FAM184A: variants seen among roughly 807,000 people sequenced by gnomAD.
The protein encoded by FAM184A is family with sequence similarity 184 member A.
In FAM184A, 99 loss-of-function variants were observed where a neutral mutation model predicts 143.8. The ratio of observed to expected loss-of-function variants is 0.69; its 90% CI spans 0.58 to 0.81. The LOEUF is 0.81. Ranked by LOEUF, FAM184A falls within the 40% of genes least tolerant of loss-of-function variation. The pLI is 0.00. For synonymous variants in FAM184A, 427 were observed against 446.4 expected (o/e 0.96, Z 0.55); for missense variants, 1,217 against 1,310.5 (o/e 0.93, Z 1.10).
intron 1 of FAM184A, among the ~76,000 whole-genome samples, chr6:119,027,096 G>C (rs941887053): frequency 6.6e-6 from 1 of 151,790 alleles, no homozygotes; most frequent in South Asian, 2.1e-4. Context: ...CTTTAGTCAG[G>C]GCTTACCTCT....
chr6:119,063,057 A>C (rs1159376303), intron 1 of FAM184A, among the ~76,000 whole-genome samples: 1 of 151,880 alleles, frequency 6.6e-6, no homozygotes, highest in African/African-American at 2.4e-5. Context: ...AAACATCAAC[A>C]AAAAGGTGAA....
chr6:119,033,296 A>G (rs554142928), intron 1 of FAM184A, among the ~76,000 whole-genome samples: 15 of 152,062 alleles, frequency 9.9e-5, no homozygotes, highest in South Asian at 2.1e-4. Flanking sequence ...ATATTTTCTT[A>G]CCTATTTTAC....
At chr6:119,052,394 C>T (rs1786800025) in intron 1 of FAM184A, among the ~76,000 whole-genome samples, 2 of 152,158 alleles carry the variant, frequency 1.3e-5, no homozygotes, top group African/African-American at 4.8e-5. Flanking sequence ...TCTGCACTTA[C>T]CTCTATTTCC....
intron 1 of FAM184A, among the ~76,000 whole-genome samples, chr6:119,028,458 A>G (rs1785747734): frequency 6.6e-6 from 1 of 152,170 alleles, no homozygotes; most frequent in African/African-American, 2.4e-5. Flanking sequence ...TCCTCTAGGG[A>G]GGAGACAAGG....
intron 1 of FAM184A, among the ~76,000 whole-genome samples, chr6:119,052,776 T>G (rs1164980815): frequency 6.6e-6 from 1 of 152,174 alleles, no homozygotes; most frequent in Non-Finnish European, 1.5e-5. Context: ...TCACACAAGC[T>G]GTATAGGTAG....
At chr6:118,980,792 G>A (rs149478007) in intron 9 of FAM184A, among the ~76,000 whole-genome samples, 1 of 152,120 alleles carries the variant, frequency 6.6e-6, no homozygotes, top group Admixed American at 6.6e-5. Context: ...TCCTAGCTCT[G>A]TCACTTGTTA....
At chr6:119,094,238 G>A (rs569198303) in intron 1 of FAM184A, among the ~76,000 whole-genome samples, 118 of 152,032 alleles carry the variant, frequency 7.8e-4, no homozygotes, top group Non-Finnish European at 7.7e-4. Context: ...TGCCTGGCCC[G>A]ACTGCCGTTT....
At chr6:119,045,041 T>G (rs1353156638) in intron 1 of FAM184A, among the ~76,000 whole-genome samples, 1 of 152,216 alleles carries the variant, frequency 6.6e-6, no homozygotes, top group Non-Finnish European at 1.5e-5. Flanking sequence ...AACCTACGCT[T>G]GCTCTCAAAG....
intron 1 of FAM184A, among the ~76,000 whole-genome samples, chr6:119,094,582 G>T (rs945363527): frequency 2.0e-5 from 3 of 152,258 alleles, no homozygotes; most frequent in African/African-American, 7.2e-5. Flanking sequence ...GAGTAAACCT[G>T]TTCCAGAATA....
At chr6:118,964,579 A>G in intron 16 of FAM184A, 88 bp downstream of exon 16, 1 of 587,662 alleles carries the variant, frequency 1.7e-6, no homozygotes, top group Non-Finnish European at 2.9e-6. Flanking sequence ...TGGGAGCTTT[A>G]TCTAACTATG....
chr6:119,075,959 C>G (rs1240964856), intron 1 of FAM184A, among the ~76,000 whole-genome samples: 1 of 152,186 alleles, frequency 6.6e-6, no homozygotes, highest in East Asian at 1.9e-4. Context: ...GTTTCATTCT[C>G]AGGCCTCATC....
At chr6:118,960,259 C>T (rs2114523676) in intron 17 of FAM184A, 75 bp from the exon 18 acceptor site, 1 of 1,206,308 alleles carries the variant, frequency 8.3e-7, no homozygotes, top group African/African-American at 1.5e-5. Flanking sequence ...GCACATAAAA[C>T]ATCAGCATAG....
chr6:119,128,203 T>C (rs939346625), intron 1 of FAM184A, among the ~76,000 whole-genome samples: 4 of 152,114 alleles, frequency 2.6e-5, no homozygotes, highest in East Asian at 1.9e-4. Context: ...AAACCAGACA[T>C]GAGAGACAAG....
At chr6:118,980,454 A>G in intron 9 of FAM184A, 104 bp from the exon 10 acceptor site, 1 of 786,846 alleles carries the variant, frequency 1.3e-6, no homozygotes, top group South Asian at 1.7e-5. Flanking sequence ...TGATAGTAAA[A>G]TAACTGCCTT....
chr6:119,148,651 C>A (rs764877905), intron 1 of FAM184A, among the ~76,000 whole-genome samples: 16 of 152,184 alleles, frequency 1.1e-4, no homozygotes, highest in Non-Finnish European at 2.2e-4. Context: ...CACCATGAAA[C>A]TGGAATCATT....
chr6:119,130,104 A>T (rs911735824), intron 1 of FAM184A, among the ~76,000 whole-genome samples: 1 of 152,232 alleles, frequency 6.6e-6, no homozygotes, highest in South Asian at 2.1e-4. Context: ...AGTATGAGTC[A>T]TATATTTTTC....
chr6:118,970,678 C>A (rs964222490), intron 14 of FAM184A, among the ~76,000 whole-genome samples: 3 of 151,998 alleles, frequency 2.0e-5, no homozygotes, highest in Non-Finnish European at 4.4e-5. Flanking sequence ...ACAAGTGTAG[C>A]CTTTTACTCA....
In FAM184A at chr6:119,059,597, T is replaced by G. The variant is rs145213215; in HGVS notation, c.159+18544A>C. ...CTTCTTTCTTAACATCCTCTCCACT[T>G]ACTGGAATTATTTCAGTTTTTCACC... On this transcript the variant is annotated intron_variant, in intron 1 of 17. Transcript: ENST00000338891. Among the ~76,000 whole-genome samples, 6 of 152,326 alleles carry G rather than the reference T, an allele frequency of 3.9e-5. No individual in the cohort carries two copies. In the East Asian group the frequency reaches 1.2e-3, roughly 29 times the overall value.
chr6:119,106,536 A>G (rs1181903469), intron 1 of FAM184A, among the ~76,000 whole-genome samples: 1 of 152,252 alleles, frequency 6.6e-6, no homozygotes, highest in Non-Finnish European at 1.5e-5. Flanking sequence ...AAAGTAAGCC[A>G]ACTACTGGCT....
Sources: gnomAD v4.1 joint callset for allele counts (sites outside exome capture counted in the v4.1 genomes callset) on GRCh38, gnomAD v4.1.1 for gene constraint, MANE v1.5 for transcripts, NCBI Gene and HGNC (gene_info 2026-07-23, HGNC 2026-07-21) for gene names.